Variants in SLC26A7 observed in about 807,000 individuals in gnomAD.
The protein encoded by SLC26A7 is anion exchange transporter.
A neutral mutation model predicts 82.5 loss-of-function variants in SLC26A7; 59 were observed. That is an observed-to-expected ratio of 0.72 (90% CI 0.58 to 0.89). The LOEUF is 0.89. Among genes scored for constraint, SLC26A7 ranks in the 40% least tolerant of loss-of-function variants. The pLI is 0.00. For synonymous variants in SLC26A7, 271 were observed against 274.3 expected, an observed-to-expected ratio of 0.99 and a Z score of 0.12; for missense variants, 820 against 793.0, an observed-to-expected ratio of 1.03 and a Z score of -0.41.
At chr8:91,227,901 G>T (rs943116774) in intron 2 of SLC26A7, among the ~76,000 whole-genome samples, 1 of 152,146 alleles carries the variant, frequency 6.6e-6, no homozygotes, top group Non-Finnish European at 1.5e-5. Flanking sequence ...TTTCTAGACT[G>T]CAGCTATTAG....
intron 2 of SLC26A7, among the ~76,000 whole-genome samples, chr8:91,239,395 A>AAATATATAT (rs1554600121): frequency 1.8e-4 from 17 of 94,862 alleles, no homozygotes; most frequent in African/African-American, 6.0e-4. Context: ...AAAAAAAAAA[A>AAATATATAT]ATATATATAT....
chr8:91,341,407 C>G (rs1462773365), intron 8 of SLC26A7, among the ~76,000 whole-genome samples: 1 of 152,168 alleles, frequency 6.6e-6, no homozygotes, highest in South Asian at 2.1e-4. Context: ...TGTCCTGTTT[C>G]AAGTCCTGTC....
chr8:91,222,211 CA>C (rs1810170687), intron 2 of SLC26A7, among the ~76,000 whole-genome samples: 1 of 152,074 alleles, frequency 6.6e-6, no homozygotes, highest in Non-Finnish European at 1.5e-5. Flanking sequence ...GTGATTTTTG[CA>C]CATTGATTTT....
intron 15 of SLC26A7, among the ~76,000 whole-genome samples, chr8:91,388,729 C>G (rs1563714759): frequency 6.6e-6 from 1 of 152,088 alleles, no homozygotes; most frequent in Non-Finnish European, 1.5e-5. Flanking sequence ...GTCATGAACT[C>G]CTAAGTAAAA....
chr8:91,316,502 T>A (rs972888398), intron 4 of SLC26A7, among the ~76,000 whole-genome samples: 5 of 124,926 alleles, frequency 4.0e-5, no homozygotes, highest in Non-Finnish European at 6.5e-5. Flanking sequence ...GGAGACATGG[T>A]TTCACATGTT....
At chr8:91,336,180 C>T (rs568388971) in intron 6 of SLC26A7, among the ~76,000 whole-genome samples, 73 of 152,272 alleles carry the variant, frequency 4.8e-4, no homozygotes, top group African/African-American at 1.6e-3. Context: ...GAGTTGGGCA[C>T]AAACCCCCTA....
At chr8:91,362,501 G>A in intron 12 of SLC26A7, 42 bp downstream of exon 12, 1 of 1,470,222 alleles carries the variant, frequency 6.8e-7, no homozygotes, top group East Asian at 2.3e-5. Context: ...TTGCACAGCA[G>A]CAAAATACAT....
intron 6 of SLC26A7, 40 bp from the exon 7 acceptor site, chr8:91,338,110 A>G (rs747020384): frequency 6.8e-7 from 1 of 1,468,974 alleles, no homozygotes; most frequent in Admixed American, 1.9e-5. Flanking sequence ...AGAGGTCAGT[A>G]ATGTATATAT....
intron 2 of SLC26A7, among the ~76,000 whole-genome samples, chr8:91,223,511 A>G (rs1810190699): frequency 6.6e-6 from 1 of 152,204 alleles, no homozygotes; most frequent in South Asian, 2.1e-4. Context: ...GCTGTGTCCC[A>G]GAGATTCTGG....
upstream of SLC26A7, among the ~76,000 whole-genome samples, chr8:91,248,851 T>A (rs1328228312): frequency 6.6e-6 from 1 of 152,118 alleles, no homozygotes; most frequent in East Asian, 1.9e-4. Context: ...GTCACAAATA[T>A]GTGCTCATTG....
chr8:91,236,657 T>TA (rs1332141586), intron 2 of SLC26A7, among the ~76,000 whole-genome samples: 1 of 152,082 alleles, frequency 6.6e-6, no homozygotes, highest in Non-Finnish European at 1.5e-5. Flanking sequence ...CTTTAAGAGT[T>TA]AGTGCAAGAA....
chr8:91,314,497 C>T (rs1216748030), intron 4 of SLC26A7, among the ~76,000 whole-genome samples: 3 of 152,046 alleles, frequency 2.0e-5, no homozygotes, highest in Non-Finnish European at 4.4e-5. Flanking sequence ...AATCTCTCCT[C>T]CCCATCCTCC....
chr8:91,352,522 C>T (rs1813744519), intron 10 of SLC26A7, among the ~76,000 whole-genome samples: 1 of 151,986 alleles, frequency 6.6e-6, no homozygotes, highest in Non-Finnish European at 1.5e-5. Flanking sequence ...ACATTTAAGG[C>T]AATTATAAGA....
intron 18 of SLC26A7, chr8:91,394,294 C>G: frequency 6.2e-7 from 1 of 1,612,742 alleles, no homozygotes; most frequent in Non-Finnish European, 8.5e-7. Flanking sequence ...GGTTGCCTAT[C>G]ATTTGCAAAC....
chr8:91,211,822 A>G (rs918586128), intron 1 of SLC26A7, among the ~76,000 whole-genome samples: 2 of 151,908 alleles, frequency 1.3e-5, no homozygotes, highest in African/African-American at 4.8e-5. Context: ...TGGGGTTTAC[A>G]CTCAAAGGAG....
rs1351692277 is a variant in SLC26A7 at position 91,241,572 on chromosome 8, G to A, written c.-33-8047G>A. 5.3e-5 allele frequency among the ~76,000 whole-genome samples: 8 copies of A among 152,118 alleles called. No individual in the cohort carries two copies. The East Asian group carries it at 5.8e-4, about 11-fold the overall frequency. On this transcript the variant is annotated intron_variant, in intron 2 of 5. Transcript: ENST00000522862. Reference sequence around the variant, plus strand: ...AACACAAAGAATACAAAGCCATGAAGCTTGACAGTAAAAGCAAATTTTTAA... The same window carrying A: ...AACACAAAGAATACAAAGCCATGAAACTTGACAGTAAAAGCAAATTTTTAA...
At chr8:91,274,526 ATGCAAGAGTGTG>A (rs1321924761) in intron 2 of SLC26A7, among the ~76,000 whole-genome samples, 1 of 152,198 alleles carries the variant, frequency 6.6e-6, no homozygotes, top group Admixed American at 6.5e-5. Context: ...GCACCAAGGA[ATGCAAGAGTGTG>A]TGCAAGAGAG....
intron 2 of SLC26A7, among the ~76,000 whole-genome samples, chr8:91,234,975 A>C (rs912691790): frequency 6.0e-5 from 9 of 150,334 alleles, no homozygotes; most frequent in African/African-American, 2.2e-4. Flanking sequence ...GCTGGAGTGC[A>C]GTGGTGTGAT....
intron 2 of SLC26A7, among the ~76,000 whole-genome samples, chr8:91,251,840 AATGTTATT>A (rs1810666479): frequency 6.6e-6 from 1 of 152,148 alleles, no homozygotes; most frequent in African/African-American, 2.4e-5. Flanking sequence ...TCATAACACC[AATGTTATT>A]AGTAATAGAA....
Sources: allele counts gnomAD v4.1 joint callset (sites outside exome capture counted in the v4.1 genomes callset), GRCh38; gene constraint gnomAD v4.1.1; transcripts MANE v1.5; gene names NCBI Gene and HGNC (gene_info 2026-07-23, HGNC 2026-07-21).